DCAF7: variants seen among roughly 807,000 people sequenced by gnomAD.
DCAF7 encodes the protein DDB1- and CUL4-associated factor 7.
A neutral mutation model predicts 41.2 loss-of-function variants in DCAF7; 4 were observed. The ratio of observed to expected loss-of-function variants is 0.10; its 90% CI spans 0.05 to 0.22. DCAF7 has a LOEUF of 0.22. Ranked by LOEUF, DCAF7 falls within the 10% of genes least tolerant of loss-of-function variation. The pLI is 1.00. For synonymous variants in DCAF7, 143 were observed against 164.2 expected (o/e 0.87, Z 0.99); for missense variants, 131 against 443.2 (o/e 0.30, Z 6.32).
intron 1 of DCAF7, among the ~76,000 whole-genome samples, chr17:63,573,711 CAA>C (rs1051020671): frequency 7.0e-6 from 1 of 141,988 alleles, no homozygotes; most frequent in Non-Finnish European, 1.5e-5. Context: ...GCCTGGGTGA[CAA>C]GAGTGAAAAT....
In DCAF7 at chr17:63,589,658, G is replaced by T; in HGVS notation, c.*486G>T. ...TAACAAATTTTAACTTTGTATATTT[G>T]TTATCTATCAGGCTAATTTTTTTAT... On this transcript the variant is annotated 3_prime_UTR_variant, in exon 7 of 7. Coordinates refer to ENST00000614556, the MANE Select transcript of DCAF7 (RefSeq NM_005828.5). The T allele has an allele frequency of 5.7e-6, 1 of 176,642 alleles. No individual in the cohort carries two copies. The highest frequency in any genetic ancestry group is 1.2e-5 in the Non-Finnish European group (1 of 82,058). 10.9% of individuals were successfully genotyped at this position (176,642 alleles called of 1,614,324 possible).
Position 63,579,327 on chromosome 17 carries a change from G to C in DCAF7, c.298-10G>C, listed in dbSNP as rs367848702. The C allele has an allele frequency of 8.3e-6, 13 of 1,572,400 alleles. No homozygotes were observed. In the African/African-American group the frequency reaches 1.6e-4, roughly 20 times the overall value. ...CTGGCTGATTTTTTTTAAAATTCTT[G>C]TTCCTTCAGGTTGGTGAAACAGAGA... On this transcript the variant is annotated splice_polypyrimidine_tract_variant and intron_variant, in intron 2 of 6. Transcript: ENST00000614556.
chr17:63,581,707 G>A (rs756047732), intron 4 of DCAF7, among the ~76,000 whole-genome samples: 4 of 152,224 alleles, frequency 2.6e-5, no homozygotes, highest in Non-Finnish European at 5.9e-5. Flanking sequence ...AATGGATCTT[G>A]ACAGCAGACA....
intron 1 of DCAF7, among the ~76,000 whole-genome samples, chr17:63,574,589 T>TAACTAATAACTAATAACTAATAATAATTA (rs1160044121): frequency 1.3e-5 from 2 of 152,216 alleles, no homozygotes; most frequent in African/African-American, 4.8e-5. Flanking sequence ...TAATAACTAA[T>TAACTAATAACTAATAACTAATAATAATTA]GTAGCAAAGT....
Position 63,550,752 on chromosome 17 carries a change from T to C in DCAF7, c.75T>C (p.Ser25=), listed in dbSNP as rs2033240568. 1 of 1,613,782 alleles carries C rather than the reference T, an allele frequency of 6.2e-7. No homozygotes were observed. Among genetic ancestry groups the C allele is most frequent in the Non-Finnish European group, 8.5e-7 (1 of 1,179,810 alleles). ...GGACAGTCTACGCGATGAACTGGAG[T>C]GTGCGGCCCGATAAGCGCTTTCGCT... ...APWTVYAMNW[S]VRPDKRFRLA... Residue 25 remains serine (S), a synonymous_variant, in exon 1 of 7, where the codon AGT becomes AGC. Coordinates refer to ENST00000614556, the MANE Select transcript of DCAF7 (RefSeq NM_005828.5). The surrounding 1 kb of genome is among the most constrained non-coding windows in gnomAD (Gnocchi z 4.8).
chr17:63,583,809 G>A (rs946955989), intron 5 of DCAF7, 98 bp downstream of exon 5: 10 of 1,258,746 alleles, frequency 7.9e-6, no homozygotes, highest in African/African-American at 4.5e-5. Flanking sequence ...TTTGGCTCCC[G>A]GAGTATCTTT....
intron 1 of DCAF7, among the ~76,000 whole-genome samples, chr17:63,559,443 A>G (rs1180831125): frequency 6.6e-5 from 9 of 136,210 alleles, no homozygotes; most frequent in East Asian, 2.0e-4. Context: ...GTGTGTGTAT[A>G]TATATATATA....
chr17:63,564,163 A>ACG (rs1491234689), intron 1 of DCAF7, among the ~76,000 whole-genome samples: 3 of 150,822 alleles, frequency 2.0e-5, no homozygotes, highest in African/African-American at 7.4e-5. Flanking sequence ...ACACACACAC[A>ACG]TACACATATA....
intron 1 of DCAF7, among the ~76,000 whole-genome samples, chr17:63,560,652 T>C (rs1439342127): frequency 1.3e-5 from 2 of 152,220 alleles, no homozygotes; most frequent in African/African-American, 4.8e-5. Flanking sequence ...ATGTAGGGGC[T>C]CTAATTTGTA....
At chr17:63,574,380 G>A (rs1312864520) in intron 1 of DCAF7, among the ~76,000 whole-genome samples, 1 of 152,108 alleles carries the variant, frequency 6.6e-6, no homozygotes, top group East Asian at 1.9e-4. Context: ...AGTGTTTTAG[G>A]ACACTGGGTT....
Position 63,588,189 on chromosome 17 carries a change from A to ATTTTTTTTTTTTTTTTTT in DCAF7, c.857-795_857-794insTTTTTTTTTTTTTTTTTT, listed in dbSNP as rs377638787. On this transcript the variant is annotated intron_variant, in intron 6 of 6. Transcript: ENST00000614556. ...GTGTTTCCCATAGCTATTTTCTTGG[A>ATTTTTTTTTTTTTTTTTT]TTTTTTTTTTTTTTTTGAGATGAAG... Among the ~76,000 whole-genome samples the ATTTTTTTTTTTTTTTTTT allele has an allele frequency of 8.2e-4, 99 of 120,216 alleles. 8 individuals carry two copies. Among genetic ancestry groups the ATTTTTTTTTTTTTTTTTT allele is most frequent in the African/African-American group, 3.8e-3 (96 of 25,408 alleles). 78.9% of individuals were successfully genotyped at this position (120,216 alleles called of 152,430 possible). A position where few individuals can be genotyped will look rare whatever the true frequency, so the allele number is the denominator to read the frequency against.
At chr17:63,583,767 A>G (rs955802726) in intron 5 of DCAF7, 56 bp downstream of exon 5, 4 of 1,551,946 alleles carry the variant, frequency 2.6e-6, no homozygotes, top group South Asian at 2.3e-5. Flanking sequence ...ACTGCTTAGT[A>G]TATCTAGAAG....
chr17:63,557,413 G>A (rs2033322366), intron 1 of DCAF7, among the ~76,000 whole-genome samples: 1 of 152,044 alleles, frequency 6.6e-6, no homozygotes, highest in African/African-American at 2.4e-5. Flanking sequence ...GGACACTGAG[G>A]CAGGAGACTT....
intron 6 of DCAF7, among the ~76,000 whole-genome samples, chr17:63,586,297 T>TA (rs751865873): frequency 5.9e-4 from 89 of 151,320 alleles, no homozygotes; most frequent in Non-Finnish European, 3.4e-4. Flanking sequence ...TACAGAAAGT[T>TA]AAAAAAAGAC....
intron 6 of DCAF7, among the ~76,000 whole-genome samples, chr17:63,587,326 CTT>C (rs58017577): frequency 6.9e-6 from 1 of 144,234 alleles, no homozygotes. Context: ...TTATTGCCCT[CTT>C]TTTTTTTTTT....
At chr17:63,555,015 A>G (rs542462672) in intron 1 of DCAF7, among the ~76,000 whole-genome samples, 195 of 152,338 alleles carry the variant, frequency 1.3e-3, no homozygotes, top group Non-Finnish European at 2.4e-3. Context: ...GTAATTTTCT[A>G]GTTTAAATCC....
In DCAF7 at chr17:63,591,609, C is replaced by G. The variant is rs182946453; in HGVS notation, c.*2437C>G. The G allele has an allele frequency of 6.6e-6, 1 of 152,386 alleles. No individual in the cohort carries two copies. The highest frequency in any genetic ancestry group is 1.5e-5 in the Non-Finnish European group (1 of 68,088). 9.4% of individuals were successfully genotyped at this position (152,386 alleles called of 1,614,324 possible). A position where few individuals can be genotyped will look rare whatever the true frequency, so the allele number is the denominator to read the frequency against. ...GCTCTCTTACCCTCCCTTTACTCCA[C>G]CAGCCCGACGACCCATGACTGAGGA... On this transcript the variant is annotated 3_prime_UTR_variant, in exon 7 of 7. Transcript: ENST00000614556.
intron 1 of DCAF7, among the ~76,000 whole-genome samples, chr17:63,567,714 C>T (rs940466878): frequency 2.0e-5 from 3 of 152,174 alleles, no homozygotes; most frequent in Non-Finnish European, 4.4e-5. Context: ...GGCTGGAGTG[C>T]GGTGGCACAA....
intron 6 of DCAF7, among the ~76,000 whole-genome samples, chr17:63,586,591 C>A (rs2033679519): frequency 6.6e-6 from 1 of 152,044 alleles, no homozygotes; most frequent in South Asian, 2.1e-4. Context: ...TGGTGAAACC[C>A]TGTCTCTACT....
Sources: allele counts gnomAD v4.1 joint callset (sites outside exome capture counted in the v4.1 genomes callset), GRCh38; gene constraint gnomAD v4.1.1; non-coding constraint Gnocchi (gnomAD v3.1); transcripts MANE v1.5; gene names NCBI Gene and HGNC (gene_info 2026-07-23, HGNC 2026-07-21).